DLG1: variants seen among roughly 807,000 people sequenced by gnomAD.
DLG1 encodes discs large MAGUK scaffold protein 1.
In DLG1, 42 loss-of-function variants were observed where a neutral mutation model predicts 123.4. The observed-to-expected ratio is 0.34, with a 90% CI of 0.27 to 0.44. DLG1 has a LOEUF of 0.44. Among genes scored for constraint, DLG1 ranks in the 20% least tolerant of loss-of-function variants. DLG1 has a pLI of 1.00. For missense variants in DLG1, 942 were observed against 1,082.6 expected (o/e 0.87, Z 1.82); for synonymous variants, 317 against 356.2 (o/e 0.89, Z 1.24).
chr3:197,172,290 T>C (rs1392989537), intron 5 of DLG1, among the ~76,000 whole-genome samples: 1 of 152,172 alleles, frequency 6.6e-6, no homozygotes. Context: ...TTATGTACGG[T>C]ATATAATACT....
At chr3:197,105,949 T>C (rs2149318494) in intron 13 of DLG1, among the ~76,000 whole-genome samples, 1 of 152,352 alleles carries the variant, frequency 6.6e-6, no homozygotes, top group South Asian at 2.1e-4. Context: ...TGTTGAGAAC[T>C]AATCTAAAAT....
chr3:197,058,242 A>G (rs1733222229), intron 23 of DLG1, among the ~76,000 whole-genome samples: 1 of 152,070 alleles, frequency 6.6e-6, no homozygotes, highest in South Asian at 2.1e-4. Flanking sequence ...GGCCTCCTGA[A>G]GTGTTGGGAT....
intron 23 of DLG1, among the ~76,000 whole-genome samples, chr3:197,053,219 C>T (rs1044843152): frequency 3.3e-5 from 5 of 152,246 alleles, no homozygotes; most frequent in South Asian, 4.1e-4. Flanking sequence ...TTAATTATGA[C>T]GTTTGCTTTG....
intron 14 of DLG1, among the ~76,000 whole-genome samples, chr3:197,097,738 G>A (rs372937614): frequency 8.2e-4 from 125 of 151,666 alleles, no homozygotes; most frequent in South Asian, 4.0e-3. Flanking sequence ...GCACCACCAC[G>A]CCCAGCTAAT....
chr3:197,057,719 C>CT (rs888296676), intron 23 of DLG1, among the ~76,000 whole-genome samples: 5 of 152,140 alleles, frequency 3.3e-5, no homozygotes, highest in African/African-American at 1.2e-4. Flanking sequence ...TGTCCAAGCC[C>CT]TTTGTCCCTT....
intron 5 of DLG1, among the ~76,000 whole-genome samples, chr3:197,171,490 G>A (rs939608005): frequency 1.3e-5 from 2 of 152,052 alleles, no homozygotes; most frequent in Non-Finnish European, 2.9e-5. Flanking sequence ...ATCACTAAGG[G>A]TATTAAAATC....
chr3:197,121,823 C>CAAAAAAAAAAA (rs71161995), intron 11 of DLG1, among the ~76,000 whole-genome samples: 2 of 101,992 alleles, frequency 2.0e-5, no homozygotes, highest in Non-Finnish European at 1.9e-5. Context: ...ACAATCACCA[C>CAAAAAAAAAAA]AAAAAAAAAA....
chr3:197,255,012 C>A (rs1413220467), intron 4 of DLG1, among the ~76,000 whole-genome samples: 5 of 151,954 alleles, frequency 3.3e-5, no homozygotes, highest in African/African-American at 1.2e-4. Context: ...GCCGAGATCA[C>A]GCTACTGCAT....
intron 5 of DLG1, among the ~76,000 whole-genome samples, chr3:197,160,398 C>T (rs1177682214): frequency 6.6e-6 from 1 of 150,562 alleles, no homozygotes; most frequent in Non-Finnish European, 1.5e-5. Flanking sequence ...CTAATAAACT[C>T]TATATATTTG....
intron 23 of DLG1, among the ~76,000 whole-genome samples, chr3:197,057,342 A>G (rs1036858261): frequency 1.6e-4 from 24 of 152,234 alleles, no homozygotes; most frequent in African/African-American, 5.5e-4. Context: ...TTGGGCTCCC[A>G]AAGTGTCAGG....
At chr3:197,103,727 T>TA (rs1764804876) in intron 14 of DLG1, among the ~76,000 whole-genome samples, 1 of 149,790 alleles carries the variant, frequency 6.7e-6, no homozygotes, top group Admixed American at 6.7e-5. Flanking sequence ...TTTGATCAGC[T>TA]AAAAAACATA....
intron 4 of DLG1, among the ~76,000 whole-genome samples, chr3:197,281,032 T>C (rs1343989718): frequency 6.6e-6 from 1 of 151,304 alleles, no homozygotes; most frequent in Non-Finnish European, 1.5e-5. Context: ...CTTTTTTTTT[T>C]TTTTTTTTGA....
At chr3:197,223,269 G>GT (rs1182259399) in intron 4 of DLG1, among the ~76,000 whole-genome samples, 1 of 152,100 alleles carries the variant, frequency 6.6e-6, no homozygotes, top group East Asian at 1.9e-4. Flanking sequence ...ATTAACTCAT[G>GT]TTTTGCTGAT....
At chr3:197,044,801 T>C (rs1721767211) in intron 24 of DLG1, 72 bp from the exon 25 acceptor site, 3 of 855,318 alleles carry the variant, frequency 3.5e-6, no homozygotes, top group African/African-American at 1.7e-5. Context: ...ATTGATGAAA[T>C]AGTAGAAGCT....
At chr3:197,066,372 TGAGGAG>T (rs888785308) in intron 20 of DLG1, among the ~76,000 whole-genome samples, 3 of 151,704 alleles carry the variant, frequency 2.0e-5, no homozygotes, top group Non-Finnish European at 2.9e-5. Context: ...CCTAACTGGA[TGAGGAG>T]GAGGAGGAGG....
chr3:197,099,562 T>G (rs1762379394), intron 14 of DLG1, among the ~76,000 whole-genome samples: 1 of 152,224 alleles, frequency 6.6e-6, no homozygotes, highest in East Asian at 1.9e-4. Context: ...CAAGTTAGTA[T>G]GTATACGCTT....
At chr3:197,171,910 C>G (rs542697430) in intron 5 of DLG1, among the ~76,000 whole-genome samples, 1 of 151,974 alleles carries the variant, frequency 6.6e-6, no homozygotes, top group Admixed American at 6.6e-5. Flanking sequence ...CTAAAATGGG[C>G]CCTTAATGCT....
chr3:197,048,121 GGCCA>G (rs1724673212), intron 24 of DLG1, among the ~76,000 whole-genome samples: 1 of 152,140 alleles, frequency 6.6e-6, no homozygotes, highest in Admixed American at 6.6e-5. Context: ...ACATACAGAT[GGCCA>G]GCAGGTATCA....
intron 14 of DLG1, 63 bp from the exon 15 acceptor site, chr3:197,091,089 C>T (rs545813337): frequency 1.8e-6 from 2 of 1,106,382 alleles, no homozygotes; most frequent in South Asian, 1.3e-5. Context: ...TTGAAGATAA[C>T]GTATTAAATA....
Sources: allele counts gnomAD v4.1 joint callset (sites outside exome capture counted in the v4.1 genomes callset), GRCh38; gene constraint gnomAD v4.1.1; transcripts MANE v1.5; gene names NCBI Gene and HGNC (gene_info 2026-07-23, HGNC 2026-07-21).